The following MINAR2 variants were observed in gnomAD, a reference collection of about 807,000 sequenced individuals.
MINAR2 encodes the protein membrane integral NOTCH2 associated receptor 2.
In MINAR2, 21 loss-of-function variants were observed where a neutral mutation model predicts 16.1. The observed-to-expected ratio is 1.31, with a 90% CI of 0.93 to 1.88. MINAR2 has a LOEUF of 1.88. Ranked by LOEUF, MINAR2 falls within the 40% of genes most tolerant of loss-of-function variation. The probability of loss-of-function intolerance (pLI) is 0.00; values close to 1 mark genes in which losing one functional copy is unlikely to be tolerated. For missense variants in MINAR2, 259 were observed against 229.8 expected, an observed-to-expected ratio of 1.13 and a Z score of -0.82; for synonymous variants, 86 against 83.0, an observed-to-expected ratio of 1.04 and a Z score of -0.20.
intron 1 of MINAR2, among the ~76,000 whole-genome samples, chr5:129,749,134 A>G (rs1411639073): frequency 6.6e-6 from 1 of 152,202 alleles, no homozygotes; most frequent in Non-Finnish European, 1.5e-5. Context: ...TTGCTTTAAG[A>G]CATGAAGGCT....
chr5:129,754,796 T>G (rs1267832271), intron 1 of MINAR2, among the ~76,000 whole-genome samples: 1 of 152,214 alleles, frequency 6.6e-6, no homozygotes, highest in Non-Finnish European at 1.5e-5. Context: ...GATAATCATG[T>G]CATCTGCTAT....
Position 129,748,293 on chromosome 5 carries a change from G to A in MINAR2, c.103G>A (p.Val35Met), listed in dbSNP as rs1757941632. The A allele has an allele frequency of 2.0e-6, 3 of 1,535,242 alleles. No homozygotes were observed. The highest frequency in any genetic ancestry group is 2.6e-6 in the Non-Finnish European group (3 of 1,146,568). ...CTCAGCCCTCCTTCAGGCCAGCCTG[G>A]TGAGGTTTCCGGGTGGAAATTATCC... The part of the protein sequence containing the change: ...RSSALLQASL[V>M]RFPGGNYPAA... Residue 35 changes from valine (V) to methionine (M), a missense_variant, in exon 1 of 3, where the codon GTG becomes ATG. Physicochemically the swap from Val to Met is conservative, Grantham distance 21 (BLOSUM62 1). Transcript: ENST00000564719.
At chr5:129,763,332 T>C (rs1259240098) in intron 2 of MINAR2, among the ~76,000 whole-genome samples, 1 of 152,186 alleles carries the variant, frequency 6.6e-6, no homozygotes, top group African/African-American at 2.4e-5. Flanking sequence ...AATTCAACTT[T>C]CATCTTCACC....
chr5:129,753,141 C>G (rs1194806091), intron 1 of MINAR2, among the ~76,000 whole-genome samples: 1 of 151,858 alleles, frequency 6.6e-6, no homozygotes. Flanking sequence ...ACACGTCATG[C>G]CTTCCTAAGA....
chr5:129,751,358 G>A (rs1258863253), intron 1 of MINAR2, among the ~76,000 whole-genome samples: 2 of 151,870 alleles, frequency 1.3e-5, no homozygotes, highest in South Asian at 2.1e-4. Flanking sequence ...ACAGGCACCC[G>A]CCACCATGCC....
intron 1 of MINAR2, among the ~76,000 whole-genome samples, chr5:129,754,863 T>C (rs1046838490): frequency 6.6e-6 from 1 of 152,168 alleles, no homozygotes; most frequent in African/African-American, 2.4e-5. Context: ...CTTTTTGCAT[T>C]GCTTTGAGCT....
At chr5:129,753,759 G>C (rs538860989) in intron 1 of MINAR2, among the ~76,000 whole-genome samples, 54 of 151,210 alleles carry the variant, frequency 3.6e-4, no homozygotes, top group Non-Finnish European at 6.2e-4. Context: ...TTGAAAGAGA[G>C]AGAGAGAGAG....
chr5:129,748,853 C>A (rs1393372297), intron 1 of MINAR2, among the ~76,000 whole-genome samples: 2 of 151,990 alleles, frequency 1.3e-5, no homozygotes, highest in African/African-American at 4.8e-5. Flanking sequence ...ACAATGGAAA[C>A]CTAATTATTG....
chr5:129,754,989 G>A (rs1758037270), intron 1 of MINAR2, among the ~76,000 whole-genome samples: 1 of 151,836 alleles, frequency 6.6e-6, no homozygotes, highest in Non-Finnish European at 1.5e-5. Context: ...GTAAGTTTGG[G>A]GCCCATTCCC....
At chr5:129,761,936 T>C (rs977797371) in intron 2 of MINAR2, among the ~76,000 whole-genome samples, 2 of 152,026 alleles carry the variant, frequency 1.3e-5, no homozygotes, top group African/African-American at 2.4e-5. Flanking sequence ...CCATGCAGTG[T>C]TCTAACTCAT....
At chr5:129,749,221 C>T (rs117773668) in intron 1 of MINAR2, among the ~76,000 whole-genome samples, 1 of 152,262 alleles carries the variant, frequency 6.6e-6, no homozygotes, top group East Asian at 1.9e-4. Flanking sequence ...GACCTACAAA[C>T]CCCTGCAAGT....
intron 1 of MINAR2, among the ~76,000 whole-genome samples, chr5:129,758,378 A>G (rs1414836337): frequency 6.6e-6 from 1 of 152,026 alleles, no homozygotes; most frequent in African/African-American, 2.4e-5. Context: ...AATTTATACT[A>G]TTAATTTTCC....
At chr5:129,754,196 T>G (rs2149545341) in intron 1 of MINAR2, among the ~76,000 whole-genome samples, 1 of 152,314 alleles carries the variant, frequency 6.6e-6, no homozygotes, top group South Asian at 2.1e-4. Context: ...GACATAAGGT[T>G]TCAGAGAAGC....
chr5:129,748,413 G>A, intron 1 of MINAR2, 58 bp downstream of exon 1: 1 of 1,488,456 alleles, frequency 6.7e-7, no homozygotes. Context: ...CTCGCTATCT[G>A]CCATTTCACC....
At chr5:129,752,900 G>C (rs866162567) in intron 1 of MINAR2, among the ~76,000 whole-genome samples, 1 of 151,878 alleles carries the variant, frequency 6.6e-6, no homozygotes, top group South Asian at 2.1e-4. Context: ...ATCAGTTTCA[G>C]AATCAAGGAG....
At chr5:129,753,785 G>C (rs11242005) in intron 1 of MINAR2, among the ~76,000 whole-genome samples, 25,278 of 151,084 alleles carry the variant, frequency 0.17, 2,317 homozygotes, top group East Asian at 0.3. Context: ...GAGCGTCAGA[G>C]AGAGAGAGAG....
At chr5:129,754,583 T>C (rs949221148) in intron 1 of MINAR2, among the ~76,000 whole-genome samples, 21 of 152,208 alleles carry the variant, frequency 1.4e-4, no homozygotes, top group Non-Finnish European at 2.6e-4. Context: ...TTCGATAATA[T>C]CTTGTAATTC....
At chr5:129,754,485 G>A (rs554729094) in intron 1 of MINAR2, among the ~76,000 whole-genome samples, 9 of 152,232 alleles carry the variant, frequency 5.9e-5, no homozygotes, top group Admixed American at 2.6e-4. Context: ...AGATCAAAAT[G>A]GAGAAAACAG....
chr5:129,765,227 G>T lies in MINAR2; in HGVS notation c.*164G>T. ...ATTGTCCTGAAGAATGTGAATGTCA[G>T]GCGTGGTATGCTGGCTTCTCCACTT... On this transcript the variant is annotated 3_prime_UTR_variant, in exon 3 of 3. Coordinates refer to ENST00000564719, the MANE Select transcript of MINAR2 (RefSeq NM_001257308.2). 2.3e-6 allele frequency: 1 copy of T among 430,022 alleles called. No homozygotes were observed. 26.6% of individuals were successfully genotyped at this position (430,022 alleles called of 1,614,324 possible). A position where few individuals can be genotyped will look rare whatever the true frequency, so the allele number is the denominator to read the frequency against.
Sources: gnomAD v4.1 joint callset for allele counts (sites outside exome capture counted in the v4.1 genomes callset) on GRCh38, gnomAD v4.1.1 for gene constraint, MANE v1.5 for transcripts, NCBI Gene and HGNC (gene_info 2026-07-23, HGNC 2026-07-21) for gene names.